WAPL: variants seen among roughly 807,000 people sequenced by gnomAD.
The protein encoded by WAPL is WAPL cohesin release factor, also known as wings apart-like protein homolog.
A neutral mutation model predicts 121.0 loss-of-function variants in WAPL; 5 were observed. The ratio of observed to expected loss-of-function variants is 0.04; its 90% CI spans 0.02 to 0.09. WAPL has a LOEUF of 0.09. Among genes scored for constraint, WAPL ranks in the 10% least tolerant of loss-of-function variants. WAPL has a pLI of 1.00. For synonymous variants in WAPL, 480 were observed against 481.5 expected, an observed-to-expected ratio of 1.00 and a Z score of 0.04; for missense variants, 999 against 1,410.8, an observed-to-expected ratio of 0.71 and a Z score of 4.68.
chr10:86,476,295 T>C (rs1017411166), intron 4 of WAPL, among the ~76,000 whole-genome samples: 5 of 149,618 alleles, frequency 3.3e-5, no homozygotes, highest in African/African-American at 1.2e-4. Context: ...AACCCGGGAG[T>C]CGGAGGTTGC....
At chr10:86,473,183 A>C (rs1053064529) in intron 5 of WAPL, among the ~76,000 whole-genome samples, 1 of 152,216 alleles carries the variant, frequency 6.6e-6, no homozygotes, top group Non-Finnish European at 1.5e-5. Context: ...ATAAATAGCT[A>C]TAACAGGAGC....
chr10:86,511,408 A>G (rs1842461699), intron 2 of WAPL, among the ~76,000 whole-genome samples: 1 of 152,264 alleles, frequency 6.6e-6, no homozygotes, highest in Non-Finnish European at 1.5e-5. Flanking sequence ...CTGCTCTTAC[A>G]GTGACAGTCT....
intron 9 of WAPL, among the ~76,000 whole-genome samples, chr10:86,462,412 T>C (rs1440585228): frequency 6.6e-6 from 1 of 152,112 alleles, no homozygotes; most frequent in Non-Finnish European, 1.5e-5. Context: ...TTTAATCTAC[T>C]TCTTTTAAAA....
intron 18 of WAPL, 60 bp downstream of exon 18, chr10:86,437,860 T>A (rs1254765399): frequency 7.7e-7 from 1 of 1,296,526 alleles, no homozygotes; most frequent in Non-Finnish European, 1.1e-6. Flanking sequence ...AGTATTTTTA[T>A]GTCTACTGTC....
chr10:86,500,092 A>C lies in WAPL; in HGVS notation c.1151T>G (p.Phe384Cys). The change falls in exon 3 of 19, where the codon TTC becomes TGC. Residue 384 changes from phenylalanine to cysteine, a missense_variant. This residue lies in a region of WAPL where 531 missense variants were observed against 563.1 expected (regional missense o/e 0.94). Transcript: ENST00000298767. ...QDTMERSMDE[F>C]TASTPADLGE... ...CAAATCTGCAGGAGTGGATGCAGTGAACTCATCCATGCTGCGTTCCATAGT... is the reference window on the plus strand; with the variant it reads ...CAAATCTGCAGGAGTGGATGCAGTGCACTCATCCATGCTGCGTTCCATAGT... The C allele has an allele frequency of 1.2e-6, 2 of 1,614,166 alleles. No homozygotes were observed. Among genetic ancestry groups the C allele is most frequent in the Non-Finnish European group, 1.7e-6 (2 of 1,180,040 alleles).
At chr10:86,473,763 C>T in intron 5 of WAPL, 115 bp downstream of exon 5, 1 of 798,696 alleles carries the variant, frequency 1.3e-6, no homozygotes, top group Non-Finnish European at 1.9e-6. Context: ...TAAAGAAAGC[C>T]AAAATAAACT....
rs775124617 is a variant in WAPL at position 86,446,223 on chromosome 10, CCATT to C, written c.3322+15_3322+18del. The C allele has an allele frequency of 1.9e-6, 3 of 1,610,348 alleles. No individual in the cohort carries two copies. Among genetic ancestry groups the C allele is most frequent in the South Asian group, 2.2e-5 (2 of 90,740 alleles). ...AACCACTATCTTCAATTTAAATACA[CCATT>C]CAAAGTAAATATACCTTTATTGAGG... On this transcript the variant is annotated intron_variant, in intron 16 of 18. Coordinates refer to ENST00000298767, the MANE Select transcript of WAPL (RefSeq NM_015045.5).
intron 3 of WAPL, among the ~76,000 whole-genome samples, chr10:86,497,912 T>A (rs7918136): frequency 0.26 from 39,037 of 152,088 alleles, 5,885 homozygotes; most frequent in South Asian, 0.44. Flanking sequence ...ATTTCCCAAC[T>A]GGTTAAAAAT....
At chr10:86,459,160 ATGAG>A in intron 11 of WAPL, 95 bp from the exon 12 acceptor site, 2 of 990,330 alleles carry the variant, frequency 2.0e-6, no homozygotes, top group Non-Finnish European at 3.0e-6. Flanking sequence ...AGATACAAAG[ATGAG>A]GAAGAAACAG....
chr10:86,502,427 T>C (rs1589534289), intron 2 of WAPL, among the ~76,000 whole-genome samples: 1 of 152,332 alleles, frequency 6.6e-6, no homozygotes, highest in Non-Finnish European at 1.5e-5. Flanking sequence ...AAATTGTATA[T>C]TTTTGGAGTC....
At chr10:86,442,230 C>T (rs1849488825) in intron 17 of WAPL, among the ~76,000 whole-genome samples, 1 of 152,080 alleles carries the variant, frequency 6.6e-6, no homozygotes, top group African/African-American at 2.4e-5. Context: ...CATGGTTCTG[C>T]CATGTTGGCA....
intron 2 of WAPL, among the ~76,000 whole-genome samples, chr10:86,503,446 G>A (rs1036798265): frequency 6.6e-6 from 1 of 151,438 alleles, no homozygotes; most frequent in South Asian, 2.1e-4. Context: ...TATCTGAATG[G>A]CTGTCATGAT....
chr10:86,499,174 A>G (rs1842200285), intron 3 of WAPL, among the ~76,000 whole-genome samples: 1 of 152,210 alleles, frequency 6.6e-6, no homozygotes, highest in East Asian at 1.9e-4. Context: ...TTAAAACTCA[A>G]ATATGAAGAC....
intron 1 of WAPL, among the ~76,000 whole-genome samples, chr10:86,521,119 G>C (rs980480064): frequency 1.3e-5 from 2 of 152,214 alleles, no homozygotes; most frequent in Non-Finnish European, 2.9e-5. Context: ...GAAAGGACTC[G>C]GGGCTGAAAT....
Position 86,521,650 on chromosome 10 carries a change from G to GCTGGGCCGCCGCCGCCTC in WAPL, c.-326_-309dup, listed in dbSNP as rs774841175. ...GTAACAGAGCCTGCTGTGTGCCCCC[G>GCTGGGCCGCCGCCGCCTC]CTGGGCCGCCGCCGCCTCCTGCGCC... On this transcript the variant is annotated 5_prime_UTR_variant, in exon 1 of 19. Coordinates refer to ENST00000298767, the MANE Select transcript of WAPL (RefSeq NM_015045.5). 1.1e-5 allele frequency: 5 copies of GCTGGGCCGCCGCCGCCTC among 461,562 alleles called. No individual in the cohort carries two copies. The highest frequency in any genetic ancestry group is 7.9e-5 in the South Asian group (5 of 63,286). 28.6% of individuals were successfully genotyped at this position (461,562 alleles called of 1,614,324 possible). A position where few individuals can be genotyped will look rare whatever the true frequency, so the allele number is the denominator to read the frequency against.
At chr10:86,466,404 T>C (rs956409598) in intron 9 of WAPL, among the ~76,000 whole-genome samples, 10 of 151,844 alleles carry the variant, frequency 6.6e-5, no homozygotes, top group Non-Finnish European at 1.5e-4. Flanking sequence ...ACCCCATCTC[T>C]ACTAAAAATA....
chr10:86,518,957 T>C (rs1034449956), intron 1 of WAPL, among the ~76,000 whole-genome samples: 1 of 152,224 alleles, frequency 6.6e-6, no homozygotes, highest in African/African-American at 2.4e-5. Flanking sequence ...TTATCCTATC[T>C]GCCTTGTCCC....
Position 86,453,718 on chromosome 10 carries a change from T to C in WAPL, c.2771A>G (p.Lys924Arg), listed in dbSNP as rs1386493254. ...GGCCCTCATGCAGTCCTCCACTGCT[T>C]TGCCTACATGGTTAGTTACATTCTG... ...PHQNVTNHVGKAVEDCMRAII... is the reference protein window; with the variant it reads ...PHQNVTNHVGRAVEDCMRAII... Residue 924 changes from lysine (K) to arginine (R), a missense_variant, in exon 13 of 19, where the codon AAA (lysine) becomes AGA (arginine). Physicochemically the swap from Lys to Arg is conservative, Grantham distance 26. Around this residue, in one of 7 missense-constraint regions of WAPL, gnomAD observed 85 missense variants for 133.5 expected, o/e 0.64. Transcript: ENST00000298767. The C allele has an allele frequency of 6.2e-7, 1 of 1,614,174 alleles. No individual in the cohort carries two copies. Among genetic ancestry groups the C allele is most frequent in the Admixed American group, 1.7e-5 (1 of 60,014 alleles).
At chr10:86,503,034 T>C (rs962866944) in intron 2 of WAPL, among the ~76,000 whole-genome samples, 3 of 152,130 alleles carry the variant, frequency 2.0e-5, no homozygotes, top group African/African-American at 7.2e-5. Flanking sequence ...GGCGGGCGCC[T>C]GTAGTCCCAG....
Sources: gnomAD v4.1 joint callset for allele counts (sites outside exome capture counted in the v4.1 genomes callset) on GRCh38, gnomAD v4.1.1 for gene constraint, gnomAD v4.1.1 regional missense constraint, MANE v1.5 for transcripts, NCBI Gene and HGNC (gene_info 2026-07-23, HGNC 2026-07-21) for gene names.